The following MAP2 variants were observed in gnomAD, a reference collection of about 807,000 sequenced individuals.
The protein encoded by MAP2 is microtubule-associated protein 2.
MAP2 carries 14 observed loss-of-function variants against 137.6 expected under a neutral mutation model. The ratio of observed to expected loss-of-function variants is 0.10; its 90% CI spans 0.07 to 0.16. MAP2 has a LOEUF of 0.16. Ranked by LOEUF, MAP2 falls within the 10% of genes least tolerant of loss-of-function variation. The pLI, the probability that MAP2 is intolerant of heterozygous loss-of-function variation, is 1.00. For synonymous variants in MAP2, 786 were observed against 782.3 expected (o/e 1.00, Z -0.08); for missense variants, 2,088 against 2,191.5 (o/e 0.95, Z 0.94).
chr2:209,554,579 G>A (rs566231509), intron 2 of MAP2, among the ~76,000 whole-genome samples: 27 of 152,154 alleles, frequency 1.8e-4, no homozygotes, highest in African/African-American at 6.0e-4. Flanking sequence ...TTTGAGCATA[G>A]GAGTTTAAGA....
At position 209,637,044 on chromosome 2, in the gene MAP2, A is replaced by G. The variant is rs138281044; in HGVS notation, c.-30+11915A>G. Among the ~76,000 whole-genome samples, 325 of 152,282 alleles carry G rather than the reference A, an allele frequency of 2.1e-3. 4 individuals are homozygous for G. The highest frequency in any genetic ancestry group is 0.017 in the Admixed American group (263 of 15,278). On this transcript the variant is annotated intron_variant, in intron 4 of 15. Transcript: ENST00000682079. ...ACATTAAAAGTCTAAAAATCACAGAATGCCAAATGAAAGCTCAGAACCTAC... is the reference window on the plus strand; with the variant it reads ...ACATTAAAAGTCTAAAAATCACAGAGTGCCAAATGAAAGCTCAGAACCTAC...
At chr2:209,506,693 G>A (rs954657895) in intron 1 of MAP2, among the ~76,000 whole-genome samples, 2 of 152,080 alleles carry the variant, frequency 1.3e-5, no homozygotes, top group African/African-American at 4.8e-5. Context: ...GCATATTTTA[G>A]TAGCAAGGCT....
At chr2:209,563,669 A>G (rs1219324119) in intron 2 of MAP2, among the ~76,000 whole-genome samples, 2 of 152,196 alleles carry the variant, frequency 1.3e-5, no homozygotes, top group Non-Finnish European at 2.9e-5. Flanking sequence ...GAAGACCAAG[A>G]TGATATTAAC....
At chr2:209,487,248 C>T (rs966883067) in intron 1 of MAP2, among the ~76,000 whole-genome samples, 1 of 152,096 alleles carries the variant, frequency 6.6e-6, no homozygotes, top group African/African-American at 2.4e-5. Flanking sequence ...GAAGTGGGTC[C>T]AGAAATCTGT....
chr2:209,583,147 G>GTCTATCTATCTATCTATCTATCTATCTA (rs3036663), intron 3 of MAP2, among the ~76,000 whole-genome samples: 2 of 147,150 alleles, frequency 1.4e-5, no homozygotes, highest in African/African-American at 2.6e-5. Context: ...CTGTCTGTCT[G>GTCTATCTATCTATCTATCTATCTATCTA]TCTATCTATC....
At chr2:209,715,509 CAA>C (rs968120698) in intron 13 of MAP2, among the ~76,000 whole-genome samples, 2 of 136,246 alleles carry the variant, frequency 1.5e-5, no homozygotes, top group African/African-American at 5.4e-5. Context: ...GAAAGGTGAG[CAA>C]AAAAAAAAGT....
intron 2 of MAP2, among the ~76,000 whole-genome samples, chr2:209,542,174 A>G (rs1464893751): frequency 6.6e-6 from 1 of 152,240 alleles, no homozygotes; most frequent in Non-Finnish European, 1.5e-5. Flanking sequence ...CATCTCCATT[A>G]GAGCTTTTGG....
intron 14 of MAP2, among the ~76,000 whole-genome samples, chr2:209,726,263 A>G (rs935717223): frequency 6.6e-6 from 1 of 152,200 alleles, no homozygotes; most frequent in Admixed American, 6.5e-5. Context: ...AGTAAACACC[A>G]TGAATACCCA....
chr2:209,521,873 T>G (rs1407932548), intron 2 of MAP2, among the ~76,000 whole-genome samples: 2 of 152,162 alleles, frequency 1.3e-5, no homozygotes, highest in Admixed American at 6.6e-5. Flanking sequence ...AATAAAATTA[T>G]AAATACATAG....
At chr2:209,452,380 AGGAACTCTCCTCTTTCCTATT>A (rs1399230552) in intron 1 of MAP2, among the ~76,000 whole-genome samples, 3 of 152,190 alleles carry the variant, frequency 2.0e-5, no homozygotes, top group African/African-American at 7.2e-5. Flanking sequence ...GCATTCTGTC[AGGAACTCTCCTCTTTCCTATT>A]GAGCATAGAT....
chr2:209,514,240 A>G (rs1249812578), intron 2 of MAP2, among the ~76,000 whole-genome samples: 1 of 152,144 alleles, frequency 6.6e-6, no homozygotes, highest in East Asian at 1.9e-4. Context: ...AAATGACAAA[A>G]TAATCACCTT....
rs151220849 is a variant in MAP2, at chr2:209,450,742, T to C, written c.-222+26466T>C. On this transcript the variant is annotated intron_variant, in intron 1 of 15. Transcript: ENST00000682079. Reference sequence around the variant, plus strand: ...CTATGTGATTAAGGACTGTAGCTCATTGGAAAGTCTGACTTCTCTATGACT... The same window carrying C: ...CTATGTGATTAAGGACTGTAGCTCACTGGAAAGTCTGACTTCTCTATGACT... Among the ~76,000 whole-genome samples, 15 of 152,280 alleles carry C rather than the reference T, an allele frequency of 9.9e-5. 1 individual carries two copies. In the East Asian group the frequency reaches 2.9e-3, roughly 29 times the overall value.
intron 11 of MAP2, 96 bp downstream of exon 11, chr2:209,700,434 T>C: frequency 1.0e-6 from 1 of 1,004,116 alleles, no homozygotes; most frequent in Non-Finnish European, 1.5e-6. Context: ...AGATATTTAC[T>C]CTTAAAAGTC....
At chr2:209,537,105 G>A (rs1345144441) in intron 2 of MAP2, among the ~76,000 whole-genome samples, 1 of 152,106 alleles carries the variant, frequency 6.6e-6, no homozygotes, top group Non-Finnish European at 1.5e-5. Flanking sequence ...TTGAAGGTCT[G>A]TGGCACACTT....
At chr2:209,661,243 C>T (rs1246921541) in intron 5 of MAP2, among the ~76,000 whole-genome samples, 1 of 152,174 alleles carries the variant, frequency 6.6e-6, no homozygotes, top group Non-Finnish European at 1.5e-5. Context: ...TAATAGGAGT[C>T]AGCATCCCAT....
intron 1 of MAP2, among the ~76,000 whole-genome samples, chr2:209,448,855 G>T (rs1488379613): frequency 6.6e-6 from 1 of 152,102 alleles, no homozygotes; most frequent in Non-Finnish European, 1.5e-5. Context: ...TAACGTTCAT[G>T]GGTTCTGGGA....
intron 1 of MAP2, among the ~76,000 whole-genome samples, chr2:209,482,165 G>A (rs567117273): frequency 6.6e-6 from 1 of 152,248 alleles, no homozygotes; most frequent in South Asian, 2.1e-4. Flanking sequence ...TAGTTCTGTT[G>A]TAGAGACTGA....
chr2:209,644,672 A>G (rs372574009), intron 4 of MAP2, among the ~76,000 whole-genome samples: 3,169 of 88,158 alleles, frequency 0.036, 86 homozygotes, highest in African/African-American at 0.22. Flanking sequence ...CCCTGTCTCA[A>G]AAAAAAAAAA....
In MAP2 at chr2:209,704,500, A is replaced by C. The variant is rs758402160; in HGVS notation, c.4585-1080A>C. 47 of 1,612,814 alleles carry C rather than the reference A, an allele frequency of 2.9e-5. 1 individual carries two copies. In the South Asian group the frequency reaches 5.1e-4, roughly 17 times the overall value. On this transcript the variant is annotated intron_variant, in intron 11 of 15. Transcript: ENST00000682079. ...CTTTACAGGGTAGCACAAAGTCCCC[A>C]AGATACAGCTCAGCCTGCCCTAGCA...
Sources: allele counts gnomAD v4.1 joint callset (sites outside exome capture counted in the v4.1 genomes callset), GRCh38; gene constraint gnomAD v4.1.1; transcripts MANE v1.5; gene names NCBI Gene and HGNC (gene_info 2026-07-23, HGNC 2026-07-21).